The following RBM33 variants were observed in gnomAD, a reference collection of about 807,000 sequenced individuals.
RBM33 encodes the protein RNA binding motif protein 33.
A neutral mutation model predicts 132.6 loss-of-function variants in RBM33; 28 were observed. The ratio of observed to expected loss-of-function variants is 0.21; its 90% CI spans 0.16 to 0.29. The LOEUF (loss-of-function observed/expected upper bound fraction) is 0.29, where lower values mean the gene tolerates loss of function less well. Ranked by LOEUF, RBM33 falls within the 10% of genes least tolerant of loss-of-function variation. The pLI, the probability that RBM33 is intolerant of heterozygous loss-of-function variation, is 1.00. For synonymous variants in RBM33, 634 were observed against 593.0 expected (o/e 1.07, Z -1.01); for missense variants, 1,291 against 1,518.5 (o/e 0.85, Z 2.49).
At chr7:155,761,689 T>C (rs1371014497) in intron 14 of RBM33, among the ~76,000 whole-genome samples, 1 of 152,212 alleles carries the variant, frequency 6.6e-6, no homozygotes, top group Non-Finnish European at 1.5e-5. Context: ...TCAGTATCCT[T>C]AAAGGAGCAT....
chr7:155,759,640 C>T (rs1021921273), intron 14 of RBM33, among the ~76,000 whole-genome samples: 1 of 152,050 alleles, frequency 6.6e-6, no homozygotes, highest in Admixed American at 6.5e-5. Flanking sequence ...AGGATGGTCT[C>T]GATCTCCTGA....
At chr7:155,670,896 A>G (rs556484296) in intron 2 of RBM33, among the ~76,000 whole-genome samples, 165 of 152,348 alleles carry the variant, frequency 1.1e-3, no homozygotes, top group Non-Finnish European at 2.1e-3. Flanking sequence ...TTTCGTTGAG[A>G]AAAAATAAGT....
chr7:155,766,986 A>G (rs1802243979), intron 16 of RBM33: 1 of 298,408 alleles, frequency 3.4e-6, no homozygotes, highest in African/African-American at 2.2e-5. Flanking sequence ...GACTTGTTTT[A>G]TTTGTAATAA....
chr7:155,754,252 C>T lies in RBM33; in HGVS notation c.2979+8650C>T, dbSNP rs369912193. 1.4e-4 allele frequency among the ~76,000 whole-genome samples: 22 copies of T among 152,296 alleles called. 1 individual carries two copies. The highest frequency in any genetic ancestry group is 5.3e-4 in the African/African-American group (22 of 41,558). On this transcript the variant is annotated intron_variant, in intron 14 of 17. Transcript: ENST00000401878. ...AGCTAGGAATCAGGATTAGCTCACT[C>T]ACCCACCCCAGCCAGAAGGGGAATC... is the stretch of plus-strand genomic sequence containing the variant.
intron 15 of RBM33, among the ~76,000 whole-genome samples, chr7:155,765,165 TCTTA>T (rs1448455299): frequency 1.4e-4 from 21 of 152,338 alleles, no homozygotes; most frequent in Admixed American, 2.6e-4. Flanking sequence ...ATGTTTCCTA[TCTTA>T]CTTAAGCAAT....
chr7:155,694,334 A>T (rs915444262), intron 5 of RBM33, among the ~76,000 whole-genome samples: 3 of 152,192 alleles, frequency 2.0e-5, no homozygotes, highest in Non-Finnish European at 2.9e-5. Flanking sequence ...TAGTTATGCT[A>T]TTGTCTTCTA....
chr7:155,660,274 T>C (rs573302547), intron 1 of RBM33, among the ~76,000 whole-genome samples: 1 of 152,278 alleles, frequency 6.6e-6, no homozygotes, highest in Non-Finnish European at 1.5e-5. Flanking sequence ...AGGATCTGGA[T>C]ATATTGCCCA....
At chr7:155,736,470 A>C (rs1801129873) in intron 9 of RBM33, among the ~76,000 whole-genome samples, 1 of 152,218 alleles carries the variant, frequency 6.6e-6, no homozygotes, top group Non-Finnish European at 1.5e-5. Context: ...GCCTAGGTCA[A>C]TACGGTGGTT....
chr7:155,650,553 T>G (rs969420905), intron 1 of RBM33, among the ~76,000 whole-genome samples: 2 of 152,228 alleles, frequency 1.3e-5, no homozygotes, highest in African/African-American at 2.4e-5. Flanking sequence ...TACTGTTTTC[T>G]TCCTTGGTAT....
chr7:155,748,811 C>T (rs1801601292), intron 14 of RBM33, among the ~76,000 whole-genome samples: 1 of 151,886 alleles, frequency 6.6e-6, no homozygotes, highest in Non-Finnish European at 1.5e-5. Flanking sequence ...GCATAGGGAA[C>T]ATTTTCGAAA....
chr7:155,672,449 A>T (rs1227615167), intron 2 of RBM33, among the ~76,000 whole-genome samples: 1 of 152,172 alleles, frequency 6.6e-6, no homozygotes, highest in Non-Finnish European at 1.5e-5. Context: ...AAAGCATAGC[A>T]AACTTAATGT....
intron 14 of RBM33, among the ~76,000 whole-genome samples, chr7:155,749,755 G>T (rs1563175258): frequency 6.6e-6 from 1 of 152,230 alleles, no homozygotes; most frequent in Non-Finnish European, 1.5e-5. Context: ...CTGGCGAGTG[G>T]CTGGGGTTCC....
chr7:155,774,715 C>G lies in RBM33; in HGVS notation c.3464+68C>G. 8.0e-7 allele frequency: 1 copy of G among 1,253,976 alleles called. No homozygotes were observed. Among genetic ancestry groups the G allele is most frequent in the Non-Finnish European group, 1.2e-6 (1 of 851,690 alleles). The allele number at this position is 1,253,976 out of a possible 1,614,324, so 77.7% of individuals were successfully genotyped here. ...GCAAGGCCCTCCTTCCTGTGCCCTC[C>G]CATCCATCATGGTAGCAAGCGTGTG... On this transcript the variant is annotated intron_variant, in intron 17 of 17. Coordinates refer to ENST00000401878, the MANE Select transcript of RBM33 (RefSeq NM_053043.3). This position sits in a 1 kb window ranked among gnomAD's most constrained non-coding sequence, Gnocchi z 4.2.
At chr7:155,669,423 G>A (rs929684246) in intron 2 of RBM33, among the ~76,000 whole-genome samples, 1 of 152,204 alleles carries the variant, frequency 6.6e-6, no homozygotes, top group Admixed American at 6.5e-5. Context: ...TGCGATATCA[G>A]CTCACTGCAA....
intron 3 of RBM33, among the ~76,000 whole-genome samples, chr7:155,676,679 A>G (rs1008067334): frequency 7.2e-5 from 11 of 152,198 alleles, no homozygotes; most frequent in African/African-American, 1.2e-4. Context: ...CCTGCAGACC[A>G]TCCTGAGCAG....
chr7:155,688,345 G>C (rs1799536103), intron 5 of RBM33, among the ~76,000 whole-genome samples: 1 of 152,230 alleles, frequency 6.6e-6, no homozygotes, highest in Non-Finnish European at 1.5e-5. Context: ...AGACTTTGCT[G>C]AAGTTGCTTA....
Position 155,779,676 on chromosome 7 carries a change from T to C in RBM33, c.*4635T>C, listed in dbSNP as rs1013961531. On this transcript the variant is annotated 3_prime_UTR_variant, in exon 18 of 18. Transcript: ENST00000401878. Reference sequence around the variant, plus strand: ...CTGATTCATATTGGATCCCCAGGTATACCTTCTGCTGGTAGCATATGGCTG... The same window carrying C: ...CTGATTCATATTGGATCCCCAGGTACACCTTCTGCTGGTAGCATATGGCTG... 1 of 152,224 alleles carries C rather than the reference T, an allele frequency of 6.6e-6. No individual in the cohort carries two copies. The highest frequency in any genetic ancestry group is 1.5e-5 in the Non-Finnish European group (1 of 68,040). 9.4% of individuals were successfully genotyped at this position (152,224 alleles called of 1,614,324 possible).
At chr7:155,772,948 C>A (rs956318842) in intron 16 of RBM33, among the ~76,000 whole-genome samples, 2 of 152,182 alleles carry the variant, frequency 1.3e-5, no homozygotes, top group African/African-American at 4.8e-5. Context: ...GATAGACATT[C>A]TATAGTTATT....
At chr7:155,751,058 A>G (rs1801673338) in intron 14 of RBM33, among the ~76,000 whole-genome samples, 1 of 151,972 alleles carries the variant, frequency 6.6e-6, no homozygotes, top group African/African-American at 2.4e-5. Flanking sequence ...TTCCCTTCCT[A>G]CCTTCTCAAA....
Sources: gnomAD v4.1 joint callset for allele counts (sites outside exome capture counted in the v4.1 genomes callset) on GRCh38, gnomAD v4.1.1 for gene constraint, Gnocchi (gnomAD v3.1) non-coding constraint, MANE v1.5 for transcripts, NCBI Gene and HGNC (gene_info 2026-07-23, HGNC 2026-07-21) for gene names.